PLD1: variants seen among roughly 807,000 people sequenced by gnomAD.
The protein encoded by PLD1 is choline phosphatase 1.
A neutral mutation model predicts 137.1 loss-of-function variants in PLD1; 112 were observed. The observed-to-expected ratio is 0.82, with a 90% CI of 0.70 to 0.96. PLD1 has a LOEUF of 0.96. Among genes scored for constraint, PLD1 ranks in the 40% least tolerant of loss-of-function variants. The pLI, the probability that PLD1 is intolerant of heterozygous loss-of-function variation, is 0.00. For synonymous variants in PLD1, 431 were observed against 454.7 expected, an observed-to-expected ratio of 0.95 and a Z score of 0.66; for missense variants, 1,321 against 1,342.0, an observed-to-expected ratio of 0.98 and a Z score of 0.24.
At position 171,764,839 on chromosome 3, in the gene PLD1, G is replaced by C. The variant is rs965608518; in HGVS notation, c.-31-26757C>G. ...AAAGAAAGAAAGAGAAAGAAAGAAAGAAAGAAAGAAAGAAAGAAAGAAAGA... is the reference window on the plus strand; with the variant it reads ...AAAGAAAGAAAGAGAAAGAAAGAAACAAAGAAAGAAAGAAAGAAAGAAAGA... On this transcript the variant is annotated intron_variant, in intron 1 of 26. Coordinates refer to ENST00000351298, the MANE Select transcript of PLD1 (RefSeq NM_002662.5). Among the ~76,000 whole-genome samples the C allele has an allele frequency of 2.9e-4, 3 of 10,424 alleles. 1 individual carries two copies. Among genetic ancestry groups the C allele is most frequent in the East Asian group, 2.6e-3 (3 of 1,166 alleles). 6.8% of individuals were successfully genotyped at this position (10,424 alleles called of 152,430 possible).
chr3:171,722,108 A>C (rs9832431), intron 8 of PLD1, among the ~76,000 whole-genome samples: 54,840 of 151,994 alleles, frequency 0.36, 11,000 homozygotes, highest in African/African-American at 0.52. Flanking sequence ...GTGTTTTAAT[A>C]GTTTTTCAAA....
At chr3:171,687,225 G>C in intron 15 of PLD1, 146 bp downstream of exon 15, 1 of 661,118 alleles carries the variant, frequency 1.5e-6, no homozygotes. Context: ...AATGGCATGA[G>C]GTTGAATAGA....
At chr3:171,685,117 T>C (rs937185440) in intron 16 of PLD1, among the ~76,000 whole-genome samples, 2 of 151,636 alleles carry the variant, frequency 1.3e-5, no homozygotes, top group African/African-American at 2.4e-5. Context: ...AACATTGTAA[T>C]TTTTTTTTGC....
At chr3:171,625,880 C>G (rs113653026) in intron 23 of PLD1, among the ~76,000 whole-genome samples, 11,998 of 151,972 alleles carry the variant, frequency 0.079, 1,337 homozygotes, top group African/African-American at 0.25. Flanking sequence ...ACCAAAAGTA[C>G]ATAAAACCAC....
chr3:171,681,465 T>C (rs2108494644), intron 16 of PLD1, among the ~76,000 whole-genome samples: 1 of 152,338 alleles, frequency 6.6e-6, no homozygotes, highest in Non-Finnish European at 1.5e-5. Context: ...ATTTCCTATA[T>C]CTGGGTCTTA....
intron 23 of PLD1, among the ~76,000 whole-genome samples, chr3:171,624,632 G>C (rs892224096): frequency 3.9e-5 from 6 of 152,024 alleles, no homozygotes; most frequent in African/African-American, 1.4e-4. Flanking sequence ...GGTTGTTGAA[G>C]ACAATCTAAT....
chr3:171,667,132 T>C (rs1457044196), intron 19 of PLD1, among the ~76,000 whole-genome samples: 2 of 152,200 alleles, frequency 1.3e-5, no homozygotes, highest in African/African-American at 4.8e-5. Flanking sequence ...TCCAAGTCAA[T>C]CATGGAACAA....
intron 19 of PLD1, among the ~76,000 whole-genome samples, chr3:171,669,875 T>C (rs1484619657): frequency 1.3e-5 from 2 of 152,202 alleles, no homozygotes; most frequent in African/African-American, 2.4e-5. Flanking sequence ...CAGAGTGAAG[T>C]AATTTTCCCG....
chr3:171,639,101 C>T (rs952547540), intron 23 of PLD1, among the ~76,000 whole-genome samples: 34 of 149,654 alleles, frequency 2.3e-4, no homozygotes, highest in Middle Eastern at 3.6e-3. Flanking sequence ...TCTCAGCCTC[C>T]GTAATTACTT....
At chr3:171,696,324 C>A (rs1170878152) in intron 12 of PLD1, among the ~76,000 whole-genome samples, 2 of 152,144 alleles carry the variant, frequency 1.3e-5, no homozygotes, top group Non-Finnish European at 2.9e-5. Context: ...GAACAGTCTG[C>A]CTCTGAAGAT....
rs1353383595 is a variant in PLD1, at chr3:171,602,984, G to A, written c.*94C>T. Reference sequence around the variant, plus strand: ...GTCCTTGGGTTGGATACGAGAATGCGTCAGGCCTGGCTTTGGCTATGACAT... The same window carrying A: ...GTCCTTGGGTTGGATACGAGAATGCATCAGGCCTGGCTTTGGCTATGACAT... On this transcript the variant is annotated 3_prime_UTR_variant, in exon 27 of 27. Transcript: ENST00000351298. The A allele has an allele frequency of 1.2e-5, 11 of 880,060 alleles. No homozygotes were observed. Among genetic ancestry groups the A allele is most frequent in the Non-Finnish European group, 1.8e-5 (10 of 544,982 alleles). 54.5% of individuals were successfully genotyped at this position (880,060 alleles called of 1,614,324 possible).
chr3:171,677,418 C>G lies in PLD1; in HGVS notation c.1996+148G>C, dbSNP rs998448301. The G allele has an allele frequency of 5.8e-6, 4 of 687,680 alleles. No individual in the cohort carries two copies. In the East Asian group the frequency reaches 1.1e-4, roughly 19 times the overall value. The allele number at this position is 687,680 out of a possible 1,614,324, so 42.6% of individuals were successfully genotyped here. On this transcript the variant is annotated intron_variant, in intron 17 of 26. Coordinates refer to ENST00000351298, the MANE Select transcript of PLD1 (RefSeq NM_002662.5). ...AAAGTCCTTAAGCACATGCTAATGACTAAATCTAGTCTCCAAAGTTTTAAA... is the reference window on the plus strand; with the variant it reads ...AAAGTCCTTAAGCACATGCTAATGAGTAAATCTAGTCTCCAAAGTTTTAAA...
chr3:171,766,820 T>C (rs1722007458), intron 1 of PLD1, among the ~76,000 whole-genome samples: 2 of 152,218 alleles, frequency 1.3e-5, no homozygotes, highest in African/African-American at 4.8e-5. Context: ...TCGTTTCTTT[T>C]CTTTCTTTTA....
chr3:171,750,772 A>T (rs558291127), intron 1 of PLD1, among the ~76,000 whole-genome samples: 7 of 152,322 alleles, frequency 4.6e-5, no homozygotes, highest in African/African-American at 1.7e-4. Flanking sequence ...TTGAATTAGT[A>T]AACAAAGGTT....
intron 11 of PLD1, among the ~76,000 whole-genome samples, chr3:171,707,658 C>T (rs1716795663): frequency 6.6e-6 from 1 of 152,140 alleles, no homozygotes. Flanking sequence ...ATCTTGCATC[C>T]TCTCCCAACC....
intron 1 of PLD1, among the ~76,000 whole-genome samples, chr3:171,795,292 G>C (rs1184764292): frequency 6.6e-6 from 1 of 152,230 alleles, no homozygotes; most frequent in African/African-American, 2.4e-5. Context: ...CAATCCAGAA[G>C]TGGGGCCGCC....
chr3:171,772,293 G>A (rs1049397461), intron 1 of PLD1, among the ~76,000 whole-genome samples: 32 of 152,118 alleles, frequency 2.1e-4, no homozygotes, highest in African/African-American at 7.5e-4. Context: ...CAAGGTTTTT[G>A]AACTTTAATT....
chr3:171,715,824 C>T (rs1215320621), intron 8 of PLD1, among the ~76,000 whole-genome samples: 2 of 152,004 alleles, frequency 1.3e-5, no homozygotes, highest in East Asian at 3.9e-4. Flanking sequence ...CATAGGGAAA[C>T]TTGTGTCACA....
At chr3:171,728,654 G>A (rs889544079) in intron 6 of PLD1, among the ~76,000 whole-genome samples, 5 of 152,082 alleles carry the variant, frequency 3.3e-5, no homozygotes, top group Non-Finnish European at 7.4e-5. Context: ...CAAAAATCAA[G>A]GAAGCCACTA....
Sources: allele counts gnomAD v4.1 joint callset (sites outside exome capture counted in the v4.1 genomes callset), GRCh38; gene constraint gnomAD v4.1.1; transcripts MANE v1.5; gene names NCBI Gene and HGNC (gene_info 2026-07-23, HGNC 2026-07-21).